Variants in KANK1 observed in about 807,000 individuals in gnomAD.
KANK1 encodes KN motif and ankyrin repeat domains 1, also known as KN motif and ankyrin repeat domain-containing protein 1.
A neutral mutation model predicts 106.2 loss-of-function variants in KANK1; 109 were observed. That is an observed-to-expected ratio of 1.03 (90% confidence interval 0.88 to 1.20). The LOEUF (loss-of-function observed/expected upper bound fraction) is 1.20, where lower values mean the gene tolerates loss of function less well. Among genes scored for constraint, KANK1 ranks in the 50% most tolerant of loss-of-function variants. The probability of loss-of-function intolerance (pLI) is 0.00; values close to 1 mark genes in which losing one functional copy is unlikely to be tolerated. For synonymous variants in KANK1, 873 were observed against 652.2 expected, an observed-to-expected ratio of 1.34 and a Z score of -5.16; for missense variants, 2,399 against 1,710.7, an observed-to-expected ratio of 1.40 and a Z score of -7.10.
At chr9:550,278 C>T (rs2061196383) in intron 1 of KANK1, among the ~76,000 whole-genome samples, 1 of 151,600 alleles carries the variant, frequency 6.6e-6, no homozygotes, top group South Asian at 2.1e-4. Flanking sequence ...CCAATCTTAA[C>T]TGGGTTTTAT....
chr9:722,361 C>G (rs1296952370), intron 3 of KANK1, among the ~76,000 whole-genome samples: 1 of 152,088 alleles, frequency 6.6e-6, no homozygotes, highest in African/African-American at 2.4e-5. Flanking sequence ...CTCTTGCTCT[C>G]TCTCTCTCAT....
chr9:618,289 A>T (rs1418332502), intron 1 of KANK1, among the ~76,000 whole-genome samples: 1 of 151,990 alleles, frequency 6.6e-6, no homozygotes, highest in Non-Finnish European at 1.5e-5. Context: ...GCTCACTGCA[A>T]CCTCCACCTG....
chr9:693,979 T>A (rs1255756454), intron 2 of KANK1, among the ~76,000 whole-genome samples: 1 of 152,210 alleles, frequency 6.6e-6, no homozygotes, highest in African/African-American at 2.4e-5. Flanking sequence ...AACATAAAGA[T>A]GTCATTGTTG....
At position 597,106 on chromosome 9, in the gene KANK1, T is replaced by C. The variant is rs545752097; in HGVS notation, c.-83-79784T>C. On this transcript the variant is annotated intron_variant, in intron 1 of 11. Coordinates refer to ENST00000382297, the MANE Select transcript of KANK1 (RefSeq NM_015158.5). The stretch of plus-strand genomic sequence containing the variant: ...AGTCCATGGTACGGATATATCATAA[T>C]TTGTTTATCCATTCATCTGTTGATA... Among the ~76,000 whole-genome samples the C allele has an allele frequency of 3.7e-4, 57 of 152,050 alleles. 1 individual carries two copies. Among genetic ancestry groups the C allele is most frequent in the African/African-American group, 1.3e-3 (55 of 41,294 alleles).
chr9:563,161 C>G (rs1303676688), intron 1 of KANK1, among the ~76,000 whole-genome samples: 1 of 148,902 alleles, frequency 6.7e-6, no homozygotes, highest in African/African-American at 2.5e-5. Flanking sequence ...AAAATCACTT[C>G]GAGCAAATGA....
At chr9:721,827 A>G (rs951962093) in intron 3 of KANK1, among the ~76,000 whole-genome samples, 5 of 152,216 alleles carry the variant, frequency 3.3e-5, no homozygotes, top group African/African-American at 4.8e-5. Context: ...AATGACCCCA[A>G]CCAGACACCA....
chr9:503,945 C>T (rs1373052858), upstream of KANK1, among the ~76,000 whole-genome samples: 1 of 152,174 alleles, frequency 6.6e-6, no homozygotes, highest in African/African-American at 2.4e-5. Flanking sequence ...CACGCATCCT[C>T]CCCTTTCCGC....
At chr9:578,265 A>G (rs1821121460) in intron 1 of KANK1, among the ~76,000 whole-genome samples, 1 of 152,174 alleles carries the variant, frequency 6.6e-6, no homozygotes, top group Non-Finnish European at 1.5e-5. Flanking sequence ...CTTGCTTTAT[A>G]TATCTAGATA....
At chr9:641,263 G>T (rs1345397952) in intron 1 of KANK1, among the ~76,000 whole-genome samples, 1 of 152,152 alleles carries the variant, frequency 6.6e-6, no homozygotes, top group Admixed American at 6.5e-5. Context: ...AGGATAGTCT[G>T]GACATGAATG....
At chr9:688,433 C>T (rs1003881878) in intron 2 of KANK1, among the ~76,000 whole-genome samples, 1 of 152,118 alleles carries the variant, frequency 6.6e-6, no homozygotes, top group African/African-American at 2.4e-5. Context: ...GGGTGAAACC[C>T]CGTCTCTACT....
At chr9:540,165 C>T (rs181115338) in intron 1 of KANK1, among the ~76,000 whole-genome samples, 81 of 152,326 alleles carry the variant, frequency 5.3e-4, no homozygotes, top group African/African-American at 1.8e-3. Context: ...ATATTAGCTA[C>T]GGGCATGCCG....
chr9:571,104 A>T (rs1476549274), intron 1 of KANK1, among the ~76,000 whole-genome samples: 2 of 152,204 alleles, frequency 1.3e-5, no homozygotes, highest in African/African-American at 4.8e-5. Flanking sequence ...GTGGTATGAG[A>T]GAGTGCCCAT....
chr9:548,967 A>G (rs952400670), intron 1 of KANK1: 5 of 152,168 alleles, frequency 3.3e-5, no homozygotes, highest in Non-Finnish European at 7.3e-5. Flanking sequence ...TATATAAATG[A>G]CAGAAATTTT....
intron 1 of KANK1, among the ~76,000 whole-genome samples, chr9:629,583 A>G (rs1835178461): frequency 6.6e-6 from 1 of 152,200 alleles, no homozygotes; most frequent in Non-Finnish European, 1.5e-5. Context: ...TAAATTATAA[A>G]CATCCAAACA....
At chr9:568,472 G>T (rs1307618609) in intron 1 of KANK1, among the ~76,000 whole-genome samples, 2 of 152,114 alleles carry the variant, frequency 1.3e-5, no homozygotes, top group African/African-American at 2.4e-5. Context: ...TCCCATAGAG[G>T]CAGAGACTTG....
Position 711,793 on chromosome 9 carries a change from G to A in KANK1, c.1027G>A (p.Gly343Arg), listed in dbSNP as rs370509341. 2.5e-5 allele frequency: 40 copies of A among 1,614,018 alleles called. No homozygotes were observed. The Middle Eastern group carries it at 4.9e-4, about 20-fold the overall frequency. Residue 343 changes from glycine to arginine, a missense_variant, in exon 3 of 12, where the codon GGG (glycine) becomes AGG (arginine). Transcript: ENST00000382297. The stretch of plus-strand genomic sequence containing the variant: ...GCTCTCCCGGGCCCGAAGAAGTGGC[G>A]GGGAATTATACATTGACTATGAGGA... ...EQLSRARRSG[G>R]ELYIDYEEEE...
At chr9:706,305 A>G (rs796944143) in intron 2 of KANK1, among the ~76,000 whole-genome samples, 10 of 152,348 alleles carry the variant, frequency 6.6e-5, no homozygotes, top group African/African-American at 2.4e-4. Context: ...GGGGTAATAC[A>G]ACGTGATACA....
intron 1 of KANK1, among the ~76,000 whole-genome samples, chr9:618,887 C>G (rs528257893): frequency 7.9e-5 from 12 of 152,162 alleles, no homozygotes; most frequent in African/African-American, 1.9e-4. Flanking sequence ...TGGCTCCTCA[C>G]GAGCCTTAAA....
rs1455297875 is a variant in KANK1, at chr9:693,762, TCA to T, written c.37+16756_37+16757del. ...GACCTGGCTTCCTGCTCGCTGAAAA[TCA>T]CAGTTATTTTGTTTCTGGGTGGGTA... On this transcript the variant is annotated intron_variant, in intron 2 of 11. Coordinates refer to ENST00000382297, the MANE Select transcript of KANK1 (RefSeq NM_015158.5). 1.1e-5 allele frequency: 11 copies of T among 985,162 alleles called. No homozygotes were observed. In the South Asian group the frequency reaches 2.8e-4, roughly 25 times the overall value. The allele number at this position is 985,162 out of a possible 1,614,324, so 61.0% of individuals were successfully genotyped here. A position where few individuals can be genotyped will look rare whatever the true frequency, so the allele number is the denominator to read the frequency against.
Sources: allele counts gnomAD v4.1 joint callset (sites outside exome capture counted in the v4.1 genomes callset), GRCh38; gene constraint gnomAD v4.1.1; transcripts MANE v1.5; gene names NCBI Gene and HGNC (gene_info 2026-07-23, HGNC 2026-07-21).